Variants in HS6ST3 observed in about 807,000 individuals in gnomAD.
HS6ST3 encodes heparan-sulfate 6-O-sulfotransferase 3.
HS6ST3 carries 12 observed loss-of-function variants against 36.7 expected under a neutral mutation model. The observed-to-expected ratio is 0.33, with a 90% CI of 0.21 to 0.53. HS6ST3 has a LOEUF of 0.53. Among genes scored for constraint, HS6ST3 ranks in the 20% least tolerant of loss-of-function variants. HS6ST3 has a pLI of 0.95. For synonymous variants in HS6ST3, 240 were observed against 257.5 expected, an observed-to-expected ratio of 0.93 and a Z score of 0.65; for missense variants, 584 against 640.9, an observed-to-expected ratio of 0.91 and a Z score of 0.96.
At chr13:96,343,868 G>A (rs965510307) in intron 1 of HS6ST3, among the ~76,000 whole-genome samples, 1 of 151,968 alleles carries the variant, frequency 6.6e-6, no homozygotes, top group African/African-American at 2.4e-5. Context: ...TCAGTCTCCC[G>A]AGGAGCTGGG....
intron 1 of HS6ST3, among the ~76,000 whole-genome samples, chr13:96,363,642 A>G (rs1421126545): frequency 6.6e-6 from 1 of 152,158 alleles, no homozygotes; most frequent in Non-Finnish European, 1.5e-5. Context: ...AATAGCAGCA[A>G]TCAGTCTTTT....
At position 96,223,664 on chromosome 13, in the gene HS6ST3, A is replaced by G. The variant is rs924867902; in HGVS notation, c.707+132095A>G. Among the ~76,000 whole-genome samples the G allele has an allele frequency of 2.7e-4, 40 of 148,014 alleles. 1 individual carries two copies. Among genetic ancestry groups the G allele is most frequent in the Middle Eastern group, 6.9e-3 (2 of 288 alleles). ...TTCTGGAATGGATATGGGGGGGGGG[A>G]AGTTTTTGTCGTTTTTTATTTTCAG... On this transcript the variant is annotated intron_variant, in intron 1 of 1. Coordinates refer to ENST00000376705, the MANE Select transcript of HS6ST3 (RefSeq NM_153456.4).
At chr13:96,384,147 G>A (rs1471804497) in intron 1 of HS6ST3, among the ~76,000 whole-genome samples, 3 of 152,150 alleles carry the variant, frequency 2.0e-5, no homozygotes, top group African/African-American at 7.2e-5. Context: ...AACCTCTGAC[G>A]GAGCCATGGG....
rs556442757 is a variant in HS6ST3 at position 96,307,284 on chromosome 13, C to T, written c.707+215715C>T. Among the ~76,000 whole-genome samples, 72 of 152,228 alleles carry T rather than the reference C, an allele frequency of 4.7e-4. 1 individual carries two copies. Among genetic ancestry groups the T allele is most frequent in the African/African-American group, 1.7e-3 (72 of 41,546 alleles). On this transcript the variant is annotated intron_variant, in intron 1 of 1. Transcript: ENST00000376705. ...ATAATCTTAGGCAATTATTTGGACACATAGGCATAACATATCCTCGAAACA... is the reference window on the plus strand; with the variant it reads ...ATAATCTTAGGCAATTATTTGGACATATAGGCATAACATATCCTCGAAACA...
intron 1 of HS6ST3, among the ~76,000 whole-genome samples, chr13:96,655,976 A>C (rs542116530): frequency 1.3e-5 from 2 of 152,242 alleles, no homozygotes; most frequent in South Asian, 4.1e-4. Context: ...TATGATTACC[A>C]CAATTATAAT....
At chr13:96,590,396 T>C (rs1566405405) in intron 1 of HS6ST3, among the ~76,000 whole-genome samples, 1 of 152,138 alleles carries the variant, frequency 6.6e-6, no homozygotes, top group Non-Finnish European at 1.5e-5. Flanking sequence ...AGGAGGGAGA[T>C]GACATTTCAT....
At chr13:96,252,412 T>C (rs2054611837) in intron 1 of HS6ST3, among the ~76,000 whole-genome samples, 1 of 152,226 alleles carries the variant, frequency 6.6e-6, no homozygotes, top group Non-Finnish European at 1.5e-5. Context: ...CGACCTTTTC[T>C]ATGGATTCCC....
In HS6ST3 at chr13:96,292,249, A is replaced by G. The variant is rs528135008; in HGVS notation, c.707+200680A>G. On this transcript the variant is annotated intron_variant, in intron 1 of 1. Coordinates refer to ENST00000376705, the MANE Select transcript of HS6ST3 (RefSeq NM_153456.4). ...GTGTGTGTGTGTATAAAAGTTTAGA[A>G]GGTTTATATTACTTTAAAGTGATAG... 2.0e-5 allele frequency among the ~76,000 whole-genome samples: 3 copies of G among 151,854 alleles called. No homozygotes were observed. The South Asian group carries it at 6.2e-4, about 31-fold the overall frequency.
intron 1 of HS6ST3, among the ~76,000 whole-genome samples, chr13:96,241,987 G>A (rs1246181244): frequency 1.3e-5 from 2 of 151,556 alleles, no homozygotes; most frequent in African/African-American, 4.8e-5. Context: ...GGGTTTCACC[G>A]TGTTAGCCAG....
chr13:96,421,325 T>C (rs1213723165), intron 1 of HS6ST3, among the ~76,000 whole-genome samples: 2 of 152,206 alleles, frequency 1.3e-5, no homozygotes, highest in African/African-American at 4.8e-5. Flanking sequence ...ACTTCCTCTC[T>C]TCCTGTGGAG....
At chr13:96,314,448 T>C (rs1257996439) in intron 1 of HS6ST3, among the ~76,000 whole-genome samples, 1 of 152,206 alleles carries the variant, frequency 6.6e-6, no homozygotes, top group African/African-American at 2.4e-5. Context: ...TACTCATCTA[T>C]CCCATCATCA....
At position 96,434,324 on chromosome 13, in the gene HS6ST3, G is replaced by T. The variant is rs541121711; in HGVS notation, c.707+342755G>T. Among the ~76,000 whole-genome samples, 3 of 151,990 alleles carry T rather than the reference G, an allele frequency of 2.0e-5. No homozygotes were observed. The South Asian group carries it at 6.2e-4, about 32-fold the overall frequency. On this transcript the variant is annotated intron_variant, in intron 1 of 1. Coordinates refer to ENST00000376705, the MANE Select transcript of HS6ST3 (RefSeq NM_153456.4). ...TCTTGCTACTATAATATTAACCTGG[G>T]GTATAACACACTCTCCAGGATATTT...
At chr13:96,446,998 C>T (rs1442534255) in intron 1 of HS6ST3, among the ~76,000 whole-genome samples, 1 of 152,116 alleles carries the variant, frequency 6.6e-6, no homozygotes, top group Non-Finnish European at 1.5e-5. Flanking sequence ...TTTTTAATCT[C>T]CAACTTATCC....
At chr13:96,280,209 C>G (rs1375119326) in intron 1 of HS6ST3, among the ~76,000 whole-genome samples, 1 of 152,086 alleles carries the variant, frequency 6.6e-6, no homozygotes, top group Non-Finnish European at 1.5e-5. Flanking sequence ...AGTCTCTTAC[C>G]TGGTGGTTAA....
intron 1 of HS6ST3, among the ~76,000 whole-genome samples, chr13:96,391,615 T>C (rs1429978292): frequency 6.6e-6 from 1 of 152,172 alleles, no homozygotes; most frequent in Non-Finnish European, 1.5e-5. Flanking sequence ...CAGTTCCACA[T>C]GGCTGGGGAG....
rs1878875249 is a variant in HS6ST3 at position 96,834,275 on chromosome 13, A to T, written c.*1077A>T. On this transcript the variant is annotated 3_prime_UTR_variant, in exon 2 of 2. Coordinates refer to ENST00000376705, the MANE Select transcript of HS6ST3 (RefSeq NM_153456.4). ...ATTTGAGGTTACTAAATGAATAAAA[A>T]CTCGGAATTAGGCCAGGAGACATGG... is the stretch of plus-strand genomic sequence containing the variant. 1 of 152,164 alleles carries T rather than the reference A, an allele frequency of 6.6e-6. No individual in the cohort carries two copies. Among genetic ancestry groups the T allele is most frequent in the Non-Finnish European group, 1.5e-5 (1 of 68,024 alleles). The allele number at this position is 152,164 out of a possible 1,614,324, so 9.4% of individuals were successfully genotyped here.
chr13:96,538,355 T>C (rs530070428), intron 1 of HS6ST3, among the ~76,000 whole-genome samples: 3 of 152,278 alleles, frequency 2.0e-5, no homozygotes, highest in Admixed American at 6.5e-5. Context: ...ATCTAATGCA[T>C]TATAAATTTA....
At chr13:96,386,188 A>G (rs1420452516) in intron 1 of HS6ST3, among the ~76,000 whole-genome samples, 2 of 152,246 alleles carry the variant, frequency 1.3e-5, no homozygotes, top group Non-Finnish European at 2.9e-5. Flanking sequence ...GCGAAGCAAC[A>G]AGATTGATTT....
chr13:96,464,431 G>T (rs2055802176), intron 1 of HS6ST3, among the ~76,000 whole-genome samples: 3 of 151,994 alleles, frequency 2.0e-5, no homozygotes, highest in Admixed American at 2.0e-4. Flanking sequence ...GTGACAAGCA[G>T]CAGGACCTAG....
Sources: gnomAD v4.1 joint callset for allele counts (sites outside exome capture counted in the v4.1 genomes callset) on GRCh38, gnomAD v4.1.1 for gene constraint, MANE v1.5 for transcripts, NCBI Gene and HGNC (gene_info 2026-07-23, HGNC 2026-07-21) for gene names.